The following YIPF7 variants were observed in gnomAD, a reference collection of about 807,000 sequenced individuals.
The protein encoded by YIPF7 is Yip1 domain family member 7.
A neutral mutation model predicts 27.2 loss-of-function variants in YIPF7; 35 were observed. The ratio of observed to expected loss-of-function variants is 1.29; its 90% CI spans 0.98 to 1.70. The LOEUF is 1.70. Ranked by LOEUF, YIPF7 falls within the 40% of genes most tolerant of loss-of-function variation. The pLI, the probability that YIPF7 is intolerant of heterozygous loss-of-function variation, is 0.00. For synonymous variants in YIPF7, 137 were observed against 110.4 expected, an observed-to-expected ratio of 1.24 and a Z score of -1.51; for missense variants, 358 against 303.7, an observed-to-expected ratio of 1.18 and a Z score of -1.33.
intron 2 of YIPF7, among the ~76,000 whole-genome samples, chr4:44,658,141 T>G (rs1713950910): frequency 6.6e-6 from 1 of 152,154 alleles, no homozygotes; most frequent in South Asian, 2.1e-4. Flanking sequence ...ATCCATACAT[T>G]GAAATCTAAC....
In YIPF7 at chr4:44,650,072, T is replaced by A; in HGVS notation, c.29A>T (p.Asp10Val). ...AATAGTAAAATTAGATTGGTAAAAATCAGAGTCAAATTGTGCCAAGTTTGA... is the reference window on the plus strand; with the variant it reads ...AATAGTAAAATTAGATTGGTAAAAAACAGAGTCAAATTGTGCCAAGTTTGA... MSNLAQFDS[D>V]FYQSNFTIDN... The change falls in exon 2 of 6, where the codon GAT (aspartate) becomes GTT (valine). Residue 10 changes from aspartate to valine, a missense_variant. Transcript: ENST00000415895. 2 of 1,577,182 alleles carry A rather than the reference T, an allele frequency of 1.3e-6. No individual in the cohort carries two copies. The highest frequency in any genetic ancestry group is 1.7e-6 in the Non-Finnish European group (2 of 1,159,628).
At chr4:44,659,839 C>G (rs1053683668) in intron 2 of YIPF7, among the ~76,000 whole-genome samples, 5 of 151,908 alleles carry the variant, frequency 3.3e-5, no homozygotes, top group Non-Finnish European at 5.9e-5. Context: ...CTTGGCCAGG[C>G]GCGGTGGCTC....
intron 1 of YIPF7, among the ~76,000 whole-genome samples, chr4:44,661,884 A>G (rs535673239): frequency 6.6e-6 from 1 of 152,354 alleles, no homozygotes; most frequent in Admixed American, 6.5e-5. Flanking sequence ...ATTGGTTTTT[A>G]TCTGTCACCA....
At chr4:44,631,937 C>A (rs995241532) in intron 3 of YIPF7, among the ~76,000 whole-genome samples, 7 of 152,048 alleles carry the variant, frequency 4.6e-5, no homozygotes, top group African/African-American at 1.2e-4. Flanking sequence ...ATTCCAAATA[C>A]CTTTTCCTCA....
At chr4:44,649,624 A>G (rs532043655) in intron 2 of YIPF7, among the ~76,000 whole-genome samples, 4,229 of 151,902 alleles carry the variant, frequency 0.028, 191 homozygotes, top group African/African-American at 0.098. Context: ...TTAAAAAAAA[A>G]AAAAAATAGC....
At chr4:44,651,526 A>C in intron 1 of YIPF7, 28 bp downstream of exon 1, 1 of 1,505,876 alleles carries the variant, frequency 6.6e-7, no homozygotes, top group East Asian at 2.4e-5. Flanking sequence ...TTTAAATGCC[A>C]AGTCTTTTAG....
intron 1 of YIPF7, among the ~76,000 whole-genome samples, chr4:44,650,443 A>G (rs111687073): frequency 0.017 from 2,573 of 152,194 alleles, 76 homozygotes; most frequent in African/African-American, 0.056. Context: ...GGACACATCT[A>G]GAAGGATTTC....
At chr4:44,640,971 A>C (rs1358834648) in intron 2 of YIPF7, among the ~76,000 whole-genome samples, 1 of 151,986 alleles carries the variant, frequency 6.6e-6, no homozygotes, top group African/African-American at 2.4e-5. Context: ...ATGGAACCCA[A>C]GGCATGCTCC....
chr4:44,649,740 T>C (rs1577743618), intron 2 of YIPF7, among the ~76,000 whole-genome samples: 2 of 152,210 alleles, frequency 1.3e-5, no homozygotes, highest in East Asian at 3.9e-4. Context: ...ATTGCACCAC[T>C]GCACTCCACT....
rs762028232 is a variant in YIPF7, at chr4:44,651,599, G to C, written c.-47C>G. ...AAGATCCTCCAGTAAATGTAGCTTT[G>C]TGTGAGAAATTTTAAGCAAATCCAT... On this transcript the variant is annotated 5_prime_UTR_variant, in exon 1 of 6. Coordinates refer to ENST00000415895, the MANE Select transcript of YIPF7 (RefSeq NM_182592.3). The C allele has an allele frequency of 1.3e-6, 2 of 1,588,630 alleles. No homozygotes were observed. Among genetic ancestry groups the C allele is most frequent in the Non-Finnish European group, 1.7e-6 (2 of 1,165,944 alleles).
intron 1 of YIPF7, among the ~76,000 whole-genome samples, chr4:44,660,948 C>G (rs1178108451): frequency 6.6e-6 from 1 of 152,128 alleles, no homozygotes; most frequent in African/African-American, 2.4e-5. Flanking sequence ...GACAAGGGAA[C>G]TTTCCAGACA....
chr4:44,622,330 C>A lies in YIPF7; in HGVS notation c.*84G>T. On this transcript the variant is annotated 3_prime_UTR_variant, in exon 6 of 6. Transcript: ENST00000415895. ...CTCTCAAAAGCAATAAAACAGAAAT[C>A]ATATCACCAAATTTGAATGTTAATA... 6.8e-7 allele frequency: 1 copy of A among 1,464,760 alleles called. No individual in the cohort carries two copies. The highest frequency in any genetic ancestry group is 1.4e-5 in the South Asian group (1 of 71,386). The allele number at this position is 1,464,760 out of a possible 1,614,324, so 90.7% of individuals were successfully genotyped here. A position where few individuals can be genotyped will look rare whatever the true frequency, so the allele number is the denominator to read the frequency against.
At chr4:44,637,359 C>T (rs946180421) in intron 2 of YIPF7, among the ~76,000 whole-genome samples, 1 of 152,156 alleles carries the variant, frequency 6.6e-6, no homozygotes, top group South Asian at 2.1e-4. Context: ...TACATTCCCA[C>T]CAACAGTGTG....
At chr4:44,626,963 T>TTC (rs57622851) in intron 4 of YIPF7, among the ~76,000 whole-genome samples, 1 of 150,880 alleles carries the variant, frequency 6.6e-6, no homozygotes, top group Non-Finnish European at 1.5e-5. Context: ...TTTTTTTTTT[T>TTC]AGTACAGACG....
At chr4:44,653,773 T>C (rs1713808195), upstream of YIPF7, among the ~76,000 whole-genome samples, 1 of 152,128 alleles carries the variant, frequency 6.6e-6, no homozygotes, top group Admixed American at 6.6e-5. Context: ...TATTACCATC[T>C]TTTCTATTCC....
intron 2 of YIPF7, among the ~76,000 whole-genome samples, chr4:44,647,408 C>G (rs1373325490): frequency 6.6e-6 from 1 of 152,110 alleles, no homozygotes; most frequent in Admixed American, 6.6e-5. Context: ...CCAATCTTAT[C>G]TGGAAAAGAG....
chr4:44,644,271 C>A (rs889108510), intron 2 of YIPF7, among the ~76,000 whole-genome samples: 5 of 152,148 alleles, frequency 3.3e-5, no homozygotes, highest in Non-Finnish European at 7.3e-5. Flanking sequence ...CTTCCCTGGG[C>A]CACACTGGAA....
intron 2 of YIPF7, among the ~76,000 whole-genome samples, chr4:44,643,794 C>A (rs1713425513): frequency 6.6e-6 from 1 of 152,152 alleles, no homozygotes; most frequent in Admixed American, 6.5e-5. Flanking sequence ...GTCTTGGTGG[C>A]TTCTGCATAG....
chr4:44,630,156 C>G (rs1457511019), intron 3 of YIPF7, among the ~76,000 whole-genome samples: 1 of 151,930 alleles, frequency 6.6e-6, no homozygotes, highest in East Asian at 1.9e-4. Context: ...TCCATAGTGG[C>G]GAGGTCTCAC....
Sources: gnomAD v4.1 joint callset for allele counts (sites outside exome capture counted in the v4.1 genomes callset) on GRCh38, gnomAD v4.1.1 for gene constraint, MANE v1.5 for transcripts, NCBI Gene and HGNC (gene_info 2026-07-23, HGNC 2026-07-21) for gene names.